HMG20A: variants seen among roughly 807,000 people sequenced by gnomAD.
The protein encoded by HMG20A is high mobility group 20A.
In HMG20A, 17 loss-of-function variants were observed where a neutral mutation model predicts 43.9. That is an observed-to-expected ratio of 0.39 (90% CI 0.27 to 0.58). HMG20A has a LOEUF of 0.58. Among genes scored for constraint, HMG20A ranks in the 20% least tolerant of loss-of-function variants. The pLI, the probability that HMG20A is intolerant of heterozygous loss-of-function variation, is 0.59. For synonymous variants in HMG20A, 132 were observed against 147.5 expected (o/e 0.89, Z 0.76); for missense variants, 341 against 438.2 (o/e 0.78, Z 1.98).
At chr15:77,518,669 T>A in the HMG20A span, among the ~76,000 whole-genome samples, 8 of 152,160 alleles carry the variant, frequency 5.3e-5, no homozygotes, top group Non-Finnish European at 8.8e-5. Context: ...GAGCCTTGCC[T>A]CTCGCTTTGC....
At chr15:77,445,722 T>C (rs990026129) in intron 1 of HMG20A, among the ~76,000 whole-genome samples, 1 of 152,142 alleles carries the variant, frequency 6.6e-6, no homozygotes, top group African/African-American at 2.4e-5. Flanking sequence ...CCTGCGATAC[T>C]GCGACAGTCG....
intron 1 of HMG20A, among the ~76,000 whole-genome samples, chr15:77,440,405 G>T (rs1259084306): frequency 6.6e-6 from 1 of 152,222 alleles, no homozygotes; most frequent in East Asian, 1.9e-4. Flanking sequence ...GAAACCTTGG[G>T]TATTAACTAT....
At chr15:77,497,765 C>G in the HMG20A span, among the ~76,000 whole-genome samples, 41 of 151,026 alleles carry the variant, frequency 2.7e-4, no homozygotes, top group African/African-American at 1.0e-3. Context: ...GGCTGGTGAA[C>G]TATACTTGGA....
intron 1 of HMG20A, among the ~76,000 whole-genome samples, chr15:77,432,908 A>C (rs1455253282): frequency 1.3e-5 from 2 of 152,148 alleles, no homozygotes; most frequent in Admixed American, 1.3e-4. Context: ...TACAGATGTC[A>C]AAAAGGTAGG....
chr15:77,423,377 G>GT (rs1042754398), intron 1 of HMG20A, among the ~76,000 whole-genome samples: 9 of 150,826 alleles, frequency 6.0e-5, no homozygotes, highest in Middle Eastern at 6.8e-3. Context: ...TCCTCCAAAG[G>GT]TTTTTTTTTC....
At chr15:77,480,523 G>A (rs1336869279) in intron 9 of HMG20A, among the ~76,000 whole-genome samples, 1 of 151,234 alleles carries the variant, frequency 6.6e-6, no homozygotes, top group Non-Finnish European at 1.5e-5. Flanking sequence ...TGAGGCAGGA[G>A]GATCACTTAA....
the HMG20A span, among the ~76,000 whole-genome samples, chr15:77,511,214 G>A: frequency 9.2e-5 from 14 of 152,166 alleles, no homozygotes; most frequent in Non-Finnish European, 1.6e-4. Context: ...TGGAAATAGA[G>A]GTATTGATGT....
chr15:77,507,230 A>G, the HMG20A span, among the ~76,000 whole-genome samples: 1 of 152,110 alleles, frequency 6.6e-6, no homozygotes, highest in Admixed American at 6.5e-5. Flanking sequence ...TCCTTATAAC[A>G]AATCTCTCCG....
At chr15:77,471,098 T>G in intron 5 of HMG20A, 56 bp downstream of exon 5, 1 of 1,550,418 alleles carries the variant, frequency 6.4e-7, no homozygotes, top group South Asian at 1.2e-5. Flanking sequence ...TGGAGTGTCA[T>G]AAAGCCAACT....
intron 1 of HMG20A, 52 bp downstream of exon 1, chr15:77,421,056 C>G: frequency 2.5e-6 from 1 of 397,946 alleles, no homozygotes; most frequent in Non-Finnish European, 4.4e-6. Flanking sequence ...TGCCCTTCAC[C>G]CCTTGAAGAT....
Position 77,484,863 on chromosome 15 carries a change from G to A in HMG20A, c.*1900G>A, listed in dbSNP as rs1394575180. ...CATCCAGAGCCCATTCTGGAGTTTT[G>A]TTTTTTCCTTCTGCCAGATGCTTTG... On this transcript the variant is annotated 3_prime_UTR_variant, in exon 10 of 10. Transcript: ENST00000336216. 1 of 152,132 alleles carries A rather than the reference G, an allele frequency of 6.6e-6. No homozygotes were observed. The highest frequency in any genetic ancestry group is 6.5e-5 in the Admixed American group (1 of 15,278). 9.4% of individuals were successfully genotyped at this position (152,132 alleles called of 1,614,324 possible).
the HMG20A span, among the ~76,000 whole-genome samples, chr15:77,500,088 C>T: frequency 6.6e-6 from 1 of 152,174 alleles, no homozygotes; most frequent in African/African-American, 2.4e-5. Context: ...GCCTCGGCCT[C>T]CCAAAGTGCT....
At chr15:77,496,649 T>C in the HMG20A span, among the ~76,000 whole-genome samples, 1 of 152,256 alleles carries the variant, frequency 6.6e-6, no homozygotes, top group Non-Finnish European at 1.5e-5. Flanking sequence ...TGGGAGGTCC[T>C]GTCCTCCCGT....
chr15:77,425,666 G>C (rs2073419359), intron 1 of HMG20A, among the ~76,000 whole-genome samples: 1 of 152,154 alleles, frequency 6.6e-6, no homozygotes, highest in African/African-American at 2.4e-5. Flanking sequence ...ATGGCATGGA[G>C]AGCTTAATAT....
At chr15:77,463,558 A>G (rs2072725708) in intron 2 of HMG20A, among the ~76,000 whole-genome samples, 1 of 152,216 alleles carries the variant, frequency 6.6e-6, no homozygotes, top group South Asian at 2.1e-4. Flanking sequence ...AGATAAGTCC[A>G]TCTAAGACCC....
chr15:77,486,567 G>C (rs1330317630), downstream of HMG20A, among the ~76,000 whole-genome samples: 1 of 152,162 alleles, frequency 6.6e-6, no homozygotes, highest in Non-Finnish European at 1.5e-5. Context: ...CCAAATGCTT[G>C]CTTTTTGAAA....
chr15:77,454,895 A>T (rs954208598), intron 1 of HMG20A, among the ~76,000 whole-genome samples: 4 of 152,120 alleles, frequency 2.6e-5, no homozygotes, highest in Non-Finnish European at 5.9e-5. Context: ...AAGGAACCTG[A>T]TGTTTTAAAG....
chr15:77,449,651 A>T (rs866060566), intron 1 of HMG20A, among the ~76,000 whole-genome samples: 1 of 152,330 alleles, frequency 6.6e-6, no homozygotes, highest in African/African-American at 2.4e-5. Flanking sequence ...AATGAATGTT[A>T]TATTTTAGAG....
the HMG20A span, among the ~76,000 whole-genome samples, chr15:77,492,291 T>C: frequency 4.6e-5 from 7 of 152,212 alleles, no homozygotes; most frequent in African/African-American, 1.2e-4. Flanking sequence ...TATAATATAG[T>C]ATGAAAATAT....
Sources: allele counts gnomAD v4.1 joint callset (sites outside exome capture counted in the v4.1 genomes callset), GRCh38; gene constraint gnomAD v4.1.1; transcripts MANE v1.5; gene names NCBI Gene and HGNC (gene_info 2026-07-23, HGNC 2026-07-21).